Variants in ADGRE1 observed in about 807,000 individuals in gnomAD.
ADGRE1 encodes EGF-like module receptor 1.
ADGRE1 carries 82 observed loss-of-function variants against 102.7 expected under a neutral mutation model. The ratio of observed to expected loss-of-function variants is 0.80; its 90% CI spans 0.67 to 0.96. The LOEUF (loss-of-function observed/expected upper bound fraction) is 0.96. Among genes scored for constraint, ADGRE1 ranks in the 40% least tolerant of loss-of-function variants. The pLI, the probability that ADGRE1 is intolerant of heterozygous loss-of-function variation, is 0.00. For synonymous variants in ADGRE1, 398 were observed against 399.6 expected, an observed-to-expected ratio of 1.00 and a Z score of 0.05; for missense variants, 1,032 against 1,085.3, an observed-to-expected ratio of 0.95 and a Z score of 0.69.
intron 2 of ADGRE1, among the ~76,000 whole-genome samples, chr19:6,892,115 G>A (rs1289353811): frequency 6.6e-6 from 1 of 152,140 alleles, no homozygotes; most frequent in African/African-American, 2.4e-5. Context: ...GAGACCACAA[G>A]TGATAAAATG....
intron 5 of ADGRE1, among the ~76,000 whole-genome samples, chr19:6,899,169 G>A (rs1268979555): frequency 6.6e-6 from 1 of 152,140 alleles, no homozygotes; most frequent in Non-Finnish European, 1.5e-5. Context: ...ATATAATGGG[G>A]TGCACTTGTC....
At chr19:6,934,600 AT>A (rs71177133) in intron 17 of ADGRE1, among the ~76,000 whole-genome samples, 8,871 of 83,998 alleles carry the variant, frequency 0.11, 980 homozygotes, top group African/African-American at 0.29. Context: ...TAATTTTTGT[AT>A]TTTTTTTTTT....
intron 10 of ADGRE1, 124 bp from the exon 11 acceptor site, chr19:6,913,529 G>A (rs1335663146): frequency 3.4e-6 from 3 of 873,022 alleles, no homozygotes. Context: ...AGGAGCCCGA[G>A]TGGATGCCCC....
At chr19:6,934,958 T>A (rs1378280329) in intron 17 of ADGRE1, 29 bp from the exon 18 acceptor site, 1 of 1,500,284 alleles carries the variant, frequency 6.7e-7, no homozygotes, top group Admixed American at 2.0e-5. Flanking sequence ...GTATATCCAG[T>A]CTCTCCATCC....
intron 20 of ADGRE1, among the ~76,000 whole-genome samples, chr19:6,938,970 A>AT (rs1366809367): frequency 2.6e-5 from 4 of 151,690 alleles, no homozygotes. Context: ...TAAATTTTGT[A>AT]TTTTTAGTAG....
rs371829373 is a variant in ADGRE1 at position 6,934,764 on chromosome 19, A to AT, written c.2290-207dup. Reference sequence around the variant, plus strand: ...AGGCATCCACCACCATGCATGGCTAATTTTTTTTTTTTTTTTGTATTTTAG... The same window carrying AT: ...AGGCATCCACCACCATGCATGGCTAATTTTTTTTTTTTTTTTTGTATTTTAG... On this transcript the variant is annotated intron_variant, in intron 17 of 20. Transcript: ENST00000312053. 7.7e-3 allele frequency among the ~76,000 whole-genome samples: 1,057 copies of AT among 136,772 alleles called. 5 individuals carry two copies. Among genetic ancestry groups the AT allele is most frequent in the East Asian group, 0.019 (90 of 4,712 alleles). 89.7% of individuals were successfully genotyped at this position (136,772 alleles called of 152,430 possible).
At position 6,916,387 on chromosome 19, in the gene ADGRE1, G is replaced by T; in HGVS notation, c.1420+19G>T. 6.2e-7 allele frequency: 1 copy of T among 1,608,054 alleles called. No homozygotes were observed. Among genetic ancestry groups the T allele is most frequent in the African/African-American group, 1.3e-5 (1 of 74,820 alleles). On this transcript the variant is annotated intron_variant, in intron 12 of 20. Transcript: ENST00000312053. ...TCCACAGGTACAGGTCCTCTCCTGA[G>T]AATGCAGGTTATGGTGTATTCCATC...
chr19:6,897,946 C>CTTCCTTCCTTCT (rs1284645101), intron 5 of ADGRE1: 6 of 180,752 alleles, frequency 3.3e-5, no homozygotes, highest in African/African-American at 1.4e-4. Flanking sequence ...TCCTTCCTTC[C>CTTCCTTCCTTCT]TTCCTTCCTT....
In ADGRE1 at chr19:6,919,439, C is replaced by CGT. The variant is rs1974538774; in HGVS notation, c.1421-109_1421-108insGT. ...CTCTCTCTCTCTCTCCCCCTCCCTCCCTCTGTGTGTGTGTGTGTGTGTGTG... is the reference window on the plus strand; with the variant it reads ...CTCTCTCTCTCTCTCCCCCTCCCTCCGTCTCTGTGTGTGTGTGTGTGTGTGTG... On this transcript the variant is annotated intron_variant, in intron 12 of 20. Transcript: ENST00000312053. 9 of 522,296 alleles carry CGT rather than the reference C, an allele frequency of 1.7e-5. 1 individual carries two copies. Among genetic ancestry groups the CGT allele is most frequent in the Non-Finnish European group, 2.8e-5 (9 of 323,498 alleles). The allele number at this position is 522,296 out of a possible 1,614,324, so 32.4% of individuals were successfully genotyped here.
intron 13 of ADGRE1, among the ~76,000 whole-genome samples, chr19:6,920,516 C>CT (rs3053967): frequency 0.03 from 2,270 of 75,288 alleles, 225 homozygotes; most frequent in African/African-American, 0.093. Context: ...ACCATGCCCG[C>CT]TTTTTTTTTT....
In ADGRE1 at chr19:6,928,198, GCA is replaced by G. The variant is rs746072247; in HGVS notation, c.2279_2280del (p.Thr760SerfsTer24). The G allele has an allele frequency of 2.5e-6, 4 of 1,614,156 alleles. No homozygotes were observed. The highest frequency in any genetic ancestry group is 3.4e-6 in the Non-Finnish European group (4 of 1,180,012). ...ATCTGGAGTTTCTTGGGGCCAGTTT[GCA>G]CAGTTATAGTGGTAAGCAAATACTA... On this transcript the variant is annotated frameshift_variant, in exon 17 of 21. Transcript: ENST00000312053. LOFTEE classifies it high-confidence loss of function.
intron 13 of ADGRE1, among the ~76,000 whole-genome samples, chr19:6,920,897 C>T (rs1465836406): frequency 6.6e-6 from 1 of 152,134 alleles, no homozygotes; most frequent in Non-Finnish European, 1.5e-5. Flanking sequence ...TTTTTTCTCC[C>T]ACTGCACTAT....
At chr19:6,913,180 C>T (rs554570475) in intron 10 of ADGRE1, among the ~76,000 whole-genome samples, 1 of 151,156 alleles carries the variant, frequency 6.6e-6, no homozygotes, top group East Asian at 1.9e-4. Context: ...ATTTGTATTT[C>T]TTTTTTTTTC....
In ADGRE1 at chr19:6,940,144, GC is replaced by G; in HGVS notation, c.*119del. 8.0e-7 allele frequency: 1 copy of G among 1,244,786 alleles called. No individual in the cohort carries two copies. The highest frequency in any genetic ancestry group is 1.2e-6 in the Non-Finnish European group (1 of 867,112). The allele number at this position is 1,244,786 out of a possible 1,614,324, so 77.1% of individuals were successfully genotyped here. On this transcript the variant is annotated 3_prime_UTR_variant, in exon 21 of 21. Transcript: ENST00000312053. ...TAACATGGAAATGAGGATCCCACCA[GC>G]CCCAGAACCCTCTGGGGAAGAATGT...
chr19:6,891,956 T>C (rs772807255), intron 2 of ADGRE1, among the ~76,000 whole-genome samples: 4 of 151,796 alleles, frequency 2.6e-5, no homozygotes, highest in Non-Finnish European at 5.9e-5. Flanking sequence ...CGAAGGTGAG[T>C]GTGACTGATG....
intron 17 of ADGRE1, chr19:6,928,495 C>A: frequency 1.8e-6 from 1 of 542,558 alleles, no homozygotes; most frequent in Non-Finnish European, 3.1e-6. Context: ...GGTGTGGTGG[C>A]GAGCACTTGT....
chr19:6,888,530 G>A (rs1306828243), intron 1 of ADGRE1, among the ~76,000 whole-genome samples: 1 of 152,190 alleles, frequency 6.6e-6, no homozygotes, highest in Non-Finnish European at 1.5e-5. Context: ...GCAAGTATGG[G>A]TTTCCTCTGC....
intron 12 of ADGRE1, among the ~76,000 whole-genome samples, chr19:6,917,479 C>T (rs532138305): frequency 6.6e-6 from 1 of 152,196 alleles, no homozygotes; most frequent in South Asian, 2.1e-4. Context: ...TGGCTCACAC[C>T]TGTAATCCCA....
intron 10 of ADGRE1, among the ~76,000 whole-genome samples, chr19:6,912,971 G>A (rs1974254282): frequency 6.6e-6 from 1 of 152,118 alleles, no homozygotes; most frequent in Non-Finnish European, 1.5e-5. Context: ...ATCTCACTCT[G>A]TCACCCAAGC....
Sources: allele counts gnomAD v4.1 joint callset (sites outside exome capture counted in the v4.1 genomes callset), GRCh38; gene constraint gnomAD v4.1.1; transcripts MANE v1.5; gene names NCBI Gene and HGNC (gene_info 2026-07-23, HGNC 2026-07-21).